Variants in COBL observed in about 807,000 individuals in gnomAD.
The protein encoded by COBL is cordon-bleu WH2 repeat protein.
Under a neutral mutation model 98.8 loss-of-function variants are expected in COBL, and 51 were observed. The observed-to-expected ratio is 0.52, with a 90% CI of 0.41 to 0.65. COBL has a LOEUF of 0.65. Among genes scored for constraint, COBL ranks in the 30% least tolerant of loss-of-function variants. The pLI is 0.00. For synonymous variants in COBL, 634 were observed against 651.7 expected, an observed-to-expected ratio of 0.97 and a Z score of 0.41; for missense variants, 1,617 against 1,617.5, an observed-to-expected ratio of 1.00 and a Z score of 0.01.
chr7:51,073,496 C>T (rs1792768586), intron 7 of COBL: 6 of 501,360 alleles, frequency 1.2e-5, no homozygotes, highest in South Asian at 6.2e-5. Flanking sequence ...GCATAGCAAG[C>T]GTTCTATCAG....
intron 5 of COBL, among the ~76,000 whole-genome samples, chr7:51,146,154 G>A (rs1785012701): frequency 2.0e-5 from 3 of 152,242 alleles, no homozygotes; most frequent in Admixed American, 6.5e-5. Context: ...TGCAAGAGCT[G>A]CAACTCCATC....
intron 1 of COBL, among the ~76,000 whole-genome samples, chr7:51,229,476 C>T (rs375511494): frequency 3.9e-5 from 6 of 152,198 alleles, no homozygotes; most frequent in African/African-American, 1.4e-4. Flanking sequence ...TTCCTTTTCC[C>T]AAGGTGCATT....
In COBL at chr7:51,069,991, A is replaced by G. The variant is rs183488310; in HGVS notation, c.1096+15175T>C. Among the ~76,000 whole-genome samples the G allele has an allele frequency of 1.6e-4, 25 of 152,288 alleles. 1 individual carries two copies. The highest frequency in any genetic ancestry group is 4.8e-4 in the African/African-American group (20 of 41,554). On this transcript the variant is annotated intron_variant, in intron 7 of 12. Coordinates refer to ENST00000265136, the MANE Select transcript of COBL (RefSeq NM_015198.5). ...GGTTTCTTTTTCCCTTTACTGAAAA[A>G]TATACTCAGAGCCTTATTTTATGCA... is the stretch of plus-strand genomic sequence containing the variant.
At chr7:51,040,654 AG>A (rs1318241377) in intron 8 of COBL, among the ~76,000 whole-genome samples, 1 of 152,224 alleles carries the variant, frequency 6.6e-6, no homozygotes, top group Non-Finnish European at 1.5e-5. Flanking sequence ...CCAAACAGCT[AG>A]TTAGTGGTGG....
intron 2 of COBL, among the ~76,000 whole-genome samples, chr7:51,204,747 C>T (rs1791503826): frequency 6.6e-6 from 1 of 152,030 alleles, no homozygotes; most frequent in African/African-American, 2.4e-5. Flanking sequence ...GACAGGGATT[C>T]ACCATGTTGG....
At chr7:51,204,372 A>C (rs1432390146) in intron 2 of COBL, among the ~76,000 whole-genome samples, 1 of 152,222 alleles carries the variant, frequency 6.6e-6, no homozygotes, top group Non-Finnish European at 1.5e-5. Flanking sequence ...AGCCAGAGGC[A>C]TTGGACAAGA....
In COBL at chr7:51,131,542, G is replaced by A. The variant is rs565646346; in HGVS notation, c.957+4616C>T. On this transcript the variant is annotated intron_variant, in intron 6 of 12. Transcript: ENST00000265136. Reference sequence around the variant, plus strand: ...AGAGTATTGTGTCAATCTTTAATAGGTAAACTGAGTCCCCTACACAAGGGT... The same window carrying A: ...AGAGTATTGTGTCAATCTTTAATAGATAAACTGAGTCCCCTACACAAGGGT... 4.6e-5 allele frequency among the ~76,000 whole-genome samples: 7 copies of A among 151,320 alleles called. No individual in the cohort carries two copies. In the South Asian group the frequency reaches 1.3e-3, roughly 27 times the overall value.
intron 1 of COBL, among the ~76,000 whole-genome samples, chr7:51,313,773 G>A (rs756211042): frequency 7.2e-5 from 11 of 152,200 alleles, no homozygotes; most frequent in Non-Finnish European, 1.6e-4. Flanking sequence ...TAAATATTCA[G>A]ACAAACGCAA....
At chr7:51,223,647 GC>G (rs1183861519) in intron 1 of COBL, among the ~76,000 whole-genome samples, 1 of 152,194 alleles carries the variant, frequency 6.6e-6, no homozygotes, top group African/African-American at 2.4e-5. Flanking sequence ...TGTACTCTCT[GC>G]CTCACTTGTT....
chr7:51,046,935 T>A (rs922173291), intron 7 of COBL, among the ~76,000 whole-genome samples: 3 of 152,130 alleles, frequency 2.0e-5, no homozygotes, highest in Non-Finnish European at 2.9e-5. Flanking sequence ...CCTTCTAGAG[T>A]GGAACTGTTA....
At chr7:51,280,875 A>G (rs760975431) in intron 1 of COBL, among the ~76,000 whole-genome samples, 18 of 152,244 alleles carry the variant, frequency 1.2e-4, no homozygotes, top group Non-Finnish European at 2.1e-4. Context: ...CAAAGGGCCC[A>G]GCAGAAATTT....
At chr7:51,094,090 A>T (rs1795066599) in intron 6 of COBL, among the ~76,000 whole-genome samples, 1 of 151,952 alleles carries the variant, frequency 6.6e-6, no homozygotes, top group Non-Finnish European at 1.5e-5. Context: ...TCATGGGTGG[A>T]ACTGGAGGAC....
At chr7:51,062,826 C>T (rs1001852342) in intron 7 of COBL, among the ~76,000 whole-genome samples, 3 of 152,176 alleles carry the variant, frequency 2.0e-5, no homozygotes, top group African/African-American at 4.8e-5. Context: ...CTGGTCCCGG[C>T]TCAGCTGTCC....
intron 1 of COBL, among the ~76,000 whole-genome samples, chr7:51,287,257 C>A (rs1461269034): frequency 1.3e-5 from 2 of 151,922 alleles, no homozygotes; most frequent in African/African-American, 4.8e-5. Context: ...GTTGAAAAAT[C>A]AAAAAATAAA....
At position 51,029,065 on chromosome 7, in the gene COBL, G is replaced by A. The variant is rs112262805; in HGVS notation, c.2031C>T (p.Asn677=). 73 of 1,613,976 alleles carry A rather than the reference G, an allele frequency of 4.5e-5. 1 individual carries two copies. Among genetic ancestry groups the A allele is most frequent in the African/African-American group, 3.7e-4 (28 of 74,898 alleles). Residue 677 remains asparagine, a synonymous_variant, in exon 10 of 13, where the codon AAC becomes AAT. Transcript: ENST00000265136. ...NSQPVNEKDS[N]DKNAALAPTS... ...TTGGTGCCAAGGCAGCGTTTTTATC[G>A]TTGCTGTCCTTTTCATTCACCGGTT...
intron 1 of COBL, among the ~76,000 whole-genome samples, chr7:51,276,492 TCTTG>T (rs1387288403): frequency 6.6e-6 from 1 of 152,226 alleles, no homozygotes; most frequent in Non-Finnish European, 1.5e-5. Context: ...CTGTGGGCTT[TCTTG>T]CTTTTCAGGC....
intron 7 of COBL, among the ~76,000 whole-genome samples, chr7:51,081,425 G>A (rs901764756): frequency 2.0e-5 from 3 of 152,200 alleles, no homozygotes; most frequent in South Asian, 2.1e-4. Flanking sequence ...CCGCCACTTC[G>A]CTCTCCTTCC....
chr7:51,057,112 G>C (rs1478406888), intron 7 of COBL, among the ~76,000 whole-genome samples: 2 of 152,156 alleles, frequency 1.3e-5, no homozygotes, highest in Non-Finnish European at 2.9e-5. Flanking sequence ...TTGGTTCTCA[G>C]ACGGACTGTC....
intron 6 of COBL, among the ~76,000 whole-genome samples, chr7:51,122,281 G>T (rs1257454392): frequency 6.6e-6 from 1 of 152,198 alleles, no homozygotes; most frequent in Non-Finnish European, 1.5e-5. Flanking sequence ...TAGCTGCCCG[G>T]CTATTTCCAC....
Sources: gnomAD v4.1 joint callset for allele counts (sites outside exome capture counted in the v4.1 genomes callset) on GRCh38, gnomAD v4.1.1 for gene constraint, MANE v1.5 for transcripts, NCBI Gene and HGNC (gene_info 2026-07-23, HGNC 2026-07-21) for gene names.